GABPB1: variants seen among roughly 807,000 people sequenced by gnomAD.
GABPB1 encodes the protein GA binding protein transcription factor subunit beta 1.
Under a neutral mutation model 45.9 loss-of-function variants are expected in GABPB1, and 15 were observed. That is an observed-to-expected ratio of 0.33 (90% CI 0.22 to 0.50). The LOEUF is 0.50. Among genes scored for constraint, GABPB1 ranks in the 20% least tolerant of loss-of-function variants. The pLI is 0.98. For synonymous variants in GABPB1, 143 were observed against 154.4 expected, an observed-to-expected ratio of 0.93 and a Z score of 0.55; for missense variants, 252 against 457.5, an observed-to-expected ratio of 0.55 and a Z score of 4.10.
At chr15:50,318,129 C>G (rs901136990) in intron 1 of GABPB1, among the ~76,000 whole-genome samples, 4 of 152,036 alleles carry the variant, frequency 2.6e-5, no homozygotes, top group African/African-American at 9.7e-5. Flanking sequence ...ATCTAAAGGG[C>G]CTTAACAAGA....
intron 1 of GABPB1, among the ~76,000 whole-genome samples, chr15:50,343,296 C>T (rs1336786752): frequency 6.6e-6 from 1 of 152,114 alleles, no homozygotes; most frequent in African/African-American, 2.4e-5. Flanking sequence ...CTATCAATCT[C>T]CCCATCATCT....
At chr15:50,338,372 A>G (rs957964645) in intron 1 of GABPB1, among the ~76,000 whole-genome samples, 4 of 151,752 alleles carry the variant, frequency 2.6e-5, no homozygotes, top group African/African-American at 9.7e-5. Flanking sequence ...CCAACATGTT[A>G]TGACTCCTTG....
At chr15:50,324,266 G>A (rs1466366508) in intron 1 of GABPB1, among the ~76,000 whole-genome samples, 2 of 152,126 alleles carry the variant, frequency 1.3e-5, no homozygotes, top group Admixed American at 6.6e-5. Flanking sequence ...AACAGTAAGT[G>A]CTCAATAAAT....
rs942008115 is a variant in GABPB1, at chr15:50,299,824, G to GT, written c.697+964dup. Among the ~76,000 whole-genome samples the GT allele has an allele frequency of 8.8e-4, 130 of 147,914 alleles. 1 individual carries two copies. The highest frequency in any genetic ancestry group is 2.5e-3 in the East Asian group (13 of 5,104). ...TGAAAAAAGTGTTTTTTGGTTTTGG[G>GT]TTTTTTTTTTGAGGCAGGGTCTCAT... On this transcript the variant is annotated intron_variant, in intron 6 of 8. Coordinates refer to ENST00000380877, the MANE Select transcript of GABPB1 (RefSeq NM_016654.5).
chr15:50,328,735 T>G (rs2047857348), intron 1 of GABPB1, among the ~76,000 whole-genome samples: 1 of 152,238 alleles, frequency 6.6e-6, no homozygotes, highest in African/African-American at 2.4e-5. Context: ...CATTTTTGTC[T>G]GACAGTTTTA....
At chr15:50,328,909 C>T (rs541751156) in intron 1 of GABPB1, among the ~76,000 whole-genome samples, 12 of 152,282 alleles carry the variant, frequency 7.9e-5, no homozygotes, top group South Asian at 6.2e-4. Flanking sequence ...TTTTTCATTA[C>T]CAATTTTCAG....
chr15:50,340,271 A>G (rs2048302615), intron 1 of GABPB1, among the ~76,000 whole-genome samples: 1 of 152,190 alleles, frequency 6.6e-6, no homozygotes, highest in Non-Finnish European at 1.5e-5. Context: ...TCTATTGTTT[A>G]TAAGTCACTA....
chr15:50,299,261 T>C (rs2046639786), intron 6 of GABPB1, among the ~76,000 whole-genome samples: 1 of 152,256 alleles, frequency 6.6e-6, no homozygotes, highest in Admixed American at 6.5e-5. Flanking sequence ...AAATATTTTC[T>C]TGGAATTTAA....
chr15:50,330,377 TA>T (rs199676847), intron 1 of GABPB1, among the ~76,000 whole-genome samples: 516 of 151,732 alleles, frequency 3.4e-3, no homozygotes, highest in Non-Finnish European at 5.5e-3. Context: ...TACTTTTAAT[TA>T]AAAAAAAACT....
At chr15:50,322,793 G>A (rs1190347404) in intron 1 of GABPB1, among the ~76,000 whole-genome samples, 1 of 151,992 alleles carries the variant, frequency 6.6e-6, no homozygotes, top group African/African-American at 2.4e-5. Flanking sequence ...TTGGGAGGCT[G>A]AGGCGGGTGG....
chr15:50,308,665 T>C, intron 2 of GABPB1, among the ~76,000 whole-genome samples: 1 of 152,196 alleles, frequency 6.6e-6, no homozygotes, highest in East Asian at 1.9e-4. Context: ...CAAGTGTGAG[T>C]TCACCTAATG....
At chr15:50,307,163 C>A (rs563422914) in intron 2 of GABPB1, among the ~76,000 whole-genome samples, 1 of 152,252 alleles carries the variant, frequency 6.6e-6, no homozygotes, top group African/African-American at 2.4e-5. Context: ...AACGATTATA[C>A]CAATTCCATA....
chr15:50,313,925 T>C (rs1189804664), intron 1 of GABPB1, among the ~76,000 whole-genome samples: 1 of 152,144 alleles, frequency 6.6e-6, no homozygotes, highest in Non-Finnish European at 1.5e-5. Context: ...GAAAGTTTTA[T>C]GTTCCTGACT....
At chr15:50,298,404 TAAAGA>T (rs921746858) in intron 6 of GABPB1, among the ~76,000 whole-genome samples, 1 of 152,186 alleles carries the variant, frequency 6.6e-6, no homozygotes, top group African/African-American at 2.4e-5. Context: ...GTTATTTAAT[TAAAGA>T]AAAGAAATTT....
chr15:50,289,526 T>C lies in GABPB1; in HGVS notation c.840A>G (p.Gly280=), dbSNP rs1287365991. 1.2e-5 allele frequency: 19 copies of C among 1,613,796 alleles called. No individual in the cohort carries two copies. Among genetic ancestry groups the C allele is most frequent in the Non-Finnish European group, 1.6e-5 (19 of 1,179,868 alleles). ...TGGTCACAATGATGGGCTGACCAATTCCACTGGTTGGAATAGAGTGCAAAT... is the reference window on the plus strand; with the variant it reads ...TGGTCACAATGATGGGCTGACCAATCCCACTGGTTGGAATAGAGTGCAAAT... The part of the protein sequence containing the change: ...LGNLHSIPTS[G]IGQPIIVTMP... Residue 280 remains glycine, a synonymous_variant, in exon 7 of 9, where the codon GGA becomes GGG. Transcript: ENST00000380877.
At position 50,277,950 on chromosome 15, in the gene GABPB1, T is replaced by G. The variant is rs1284795868; in HGVS notation, c.*682A>C. The G allele has an allele frequency of 6.6e-6, 1 of 152,492 alleles. No individual in the cohort carries two copies. Among genetic ancestry groups the G allele is most frequent in the Non-Finnish European group, 1.5e-5 (1 of 68,028 alleles). The allele number at this position is 152,492 out of a possible 1,614,324, so 9.4% of individuals were successfully genotyped here. ...GTAAAGGGGTTTTGTTTTTGTTTTTTTCTGGTCACTTTCATCATTTCTGTG... is the reference window on the plus strand; with the variant it reads ...GTAAAGGGGTTTTGTTTTTGTTTTTGTCTGGTCACTTTCATCATTTCTGTG... On this transcript the variant is annotated 3_prime_UTR_variant, in exon 9 of 9. Transcript: ENST00000380877.
chr15:50,346,697 G>T (rs1567552413), intron 1 of GABPB1, among the ~76,000 whole-genome samples: 1 of 150,182 alleles, frequency 6.7e-6, no homozygotes, highest in African/African-American at 2.5e-5. Context: ...TAAGGCACTG[G>T]CAGATTCAGT....
At chr15:50,289,376 G>A in intron 7 of GABPB1, 107 bp downstream of exon 7, 1 of 712,214 alleles carries the variant, frequency 1.4e-6, no homozygotes, top group South Asian at 2.4e-5. Flanking sequence ...ACAATTTCCT[G>A]AGAATTAAAA....
intron 1 of GABPB1, among the ~76,000 whole-genome samples, chr15:50,348,043 G>GAAAAAAAAAAAAA (rs763521486): frequency 4.4e-5 from 5 of 113,708 alleles, no homozygotes; most frequent in Admixed American, 9.4e-5. Context: ...ACTCCATCTG[G>GAAAAAAAAAAAAA]AAAAAAAAAA....
Sources: gnomAD v4.1 joint callset for allele counts (sites outside exome capture counted in the v4.1 genomes callset) on GRCh38, gnomAD v4.1.1 for gene constraint, MANE v1.5 for transcripts, NCBI Gene and HGNC (gene_info 2026-07-23, HGNC 2026-07-21) for gene names.